Variants in SMS observed in about 807,000 individuals in gnomAD.
The protein encoded by SMS is spermidine aminopropyltransferase.
SMS carries 3 observed loss-of-function variants against 33.0 expected under a neutral mutation model. The observed-to-expected ratio is 0.09, with a 90% CI of 0.04 to 0.23. The LOEUF is 0.23. Ranked by LOEUF, SMS falls within the 10% of genes least tolerant of loss-of-function variation. SMS has a pLI of 1.00. For synonymous variants in SMS, 103 were observed against 112.2 expected, an observed-to-expected ratio of 0.92 and a Z score of 0.52; for missense variants, 117 against 288.6, an observed-to-expected ratio of 0.41 and a Z score of 4.31.
At chrX:21,949,950 GAA>G (rs5901691) in intron 1 of SMS, among the ~76,000 whole-genome samples, 21 of 102,980 alleles carry the variant, frequency 2.0e-4, no homozygotes, top group Admixed American at 1.2e-3. Flanking sequence ...TTCCAAAGTG[GAA>G]AAAAAAAAAA....
intron 1 of SMS, chrX:21,941,305 C>T (rs1921749885): frequency 5.0e-6 from 1 of 200,839 alleles, no homozygotes; most frequent in South Asian, 5.0e-5. Flanking sequence ...CGCGGCGAGC[C>T]CGGGCTGGGG....
chrX:21,950,688 CAT>C (rs1922548882), intron 1 of SMS, among the ~76,000 whole-genome samples: 1 of 109,000 alleles, frequency 9.2e-6, no homozygotes, highest in African/African-American at 3.4e-5. Context: ...TGAGTGAGAA[CAT>C]GTGGTGTTTG....
At chrX:21,984,545 T>C in intron 8 of SMS, 127 bp downstream of exon 8, 1 of 524,019 alleles carries the variant, frequency 1.9e-6, no homozygotes, top group Non-Finnish European at 3.4e-6. Context: ...TTGAGGTCCA[T>C]GGTGGAAAGA....
intron 4 of SMS, among the ~76,000 whole-genome samples, chrX:21,973,972 G>T (rs1223124285): frequency 8.9e-6 from 1 of 112,950 alleles, no homozygotes; most frequent in Non-Finnish European, 1.9e-5. Flanking sequence ...GCATGCAAAT[G>T]CAGGACAATT....
At chrX:21,984,211 C>G (rs1030435947) in intron 7 of SMS, 93 bp from the exon 8 acceptor site, 11 of 620,515 alleles carry the variant, frequency 1.8e-5, no homozygotes, top group Non-Finnish European at 2.8e-5. Context: ...TAAGCCCATA[C>G]TTGGCGCTTT....
intron 1 of SMS, 91 bp downstream of exon 1, chrX:21,940,964 G>C (rs1344283306): frequency 1.6e-5 from 7 of 430,142 alleles, no homozygotes; most frequent in Non-Finnish European, 1.5e-5. Context: ...CGTGCGCCGC[G>C]GGCCGAACAA....
At chrX:21,943,938 T>C (rs1922005378) in intron 1 of SMS, among the ~76,000 whole-genome samples, 1 of 111,859 alleles carries the variant, frequency 8.9e-6, no homozygotes, top group Non-Finnish European at 1.9e-5. Context: ...TGGATGTGAC[T>C]CAAGGGTGAG....
intron 4 of SMS, among the ~76,000 whole-genome samples, chrX:21,976,017 G>A (rs964277809): frequency 2.6e-4 from 29 of 111,089 alleles, no homozygotes; most frequent in African/African-American, 7.5e-4. Flanking sequence ...GTGAGCTCTC[G>A]TTTTCTTTGT....
Position 21,959,837 on chromosome X carries a change from C to T in SMS, c.50-7359C>T, listed in dbSNP as rs1395738945. 3 of 573,498 alleles carry T rather than the reference C, an allele frequency of 5.2e-6. No individual in the cohort carries two copies. In the Admixed American group the frequency reaches 2.7e-4, roughly 51 times the overall value. The allele number at this position is 573,498 out of a possible 1,213,427, so 47.3% of individuals were successfully genotyped here. On this transcript the variant is annotated intron_variant, in intron 1 of 10. Transcript: ENST00000404933. The stretch of plus-strand genomic sequence containing the variant: ...GGAAAGGATGCCTGCGTTTGTGCTT[C>T]CCCTTGCGGGGGAGTTGCAGACTGG...
intron 5 of SMS, 100 bp from the exon 6 acceptor site, chrX:21,977,860 A>C: frequency 1.2e-6 from 1 of 867,651 alleles, no homozygotes; most frequent in Non-Finnish European, 1.7e-6. Flanking sequence ...AAAATGAAAA[A>C]TTTACATTTT....
intron 2 of SMS, among the ~76,000 whole-genome samples, chrX:21,969,018 C>T (rs1369859257): frequency 8.9e-6 from 1 of 111,752 alleles, no homozygotes; most frequent in Non-Finnish European, 1.9e-5. Flanking sequence ...TGGAATTCCA[C>T]GTGGCTTCCT....
intron 1 of SMS, among the ~76,000 whole-genome samples, chrX:21,965,868 A>T (rs1923683926): frequency 8.9e-6 from 1 of 112,055 alleles, no homozygotes; most frequent in Non-Finnish European, 1.9e-5. Context: ...AAGCAAGAGG[A>T]TCACTTAAGC....
chrX:21,973,746 A>G (rs1052108091), intron 4 of SMS, among the ~76,000 whole-genome samples: 6 of 113,404 alleles, frequency 5.3e-5, no homozygotes, highest in African/African-American at 1.9e-4. Context: ...GTTAATTAAA[A>G]TACACAATTC....
At chrX:21,943,344 A>G (rs1194121542) in intron 1 of SMS, among the ~76,000 whole-genome samples, 1 of 111,879 alleles carries the variant, frequency 8.9e-6, no homozygotes, top group Non-Finnish European at 1.9e-5. Flanking sequence ...GAGAATTTTA[A>G]CACTTGGGGC....
chrX:21,946,923 C>G (rs1339206370), intron 1 of SMS, among the ~76,000 whole-genome samples: 4 of 111,311 alleles, frequency 3.6e-5, no homozygotes, highest in Non-Finnish European at 7.5e-5. Context: ...CCCTGTCTTT[C>G]TCTAAGGTTG....
At chrX:21,980,415 C>CAAAAAAAAA (rs1178108858) in intron 7 of SMS, among the ~76,000 whole-genome samples, 1 of 44,574 alleles carries the variant, frequency 2.2e-5, no homozygotes, top group African/African-American at 9.7e-5. Flanking sequence ...AGACTGTCTC[C>CAAAAAAAAA]AAAAAAAAAA....
intron 8 of SMS, among the ~76,000 whole-genome samples, chrX:21,984,764 C>T (rs1925211294): frequency 8.9e-6 from 1 of 112,106 alleles, no homozygotes; most frequent in Admixed American, 9.5e-5. Flanking sequence ...TTTCTCAAAC[C>T]AGATGTTTGT....
chrX:21,991,086 C>T (rs1425656218), intron 9 of SMS, among the ~76,000 whole-genome samples: 1 of 112,493 alleles, frequency 8.9e-6, no homozygotes, highest in Non-Finnish European at 1.9e-5. Context: ...TTTTGAAAGC[C>T]ATTCTCAGGA....
intron 1 of SMS, among the ~76,000 whole-genome samples, chrX:21,957,151 TA>T (rs1923025930): frequency 1.2e-5 from 1 of 81,188 alleles, no homozygotes; most frequent in Admixed American, 1.4e-4. Flanking sequence ...AGAAACCAAC[TA>T]CTTTTTTTTT....
Sources: gnomAD v4.1 joint callset for allele counts (sites outside exome capture counted in the v4.1 genomes callset) on GRCh38, gnomAD v4.1.1 for gene constraint, MANE v1.5 for transcripts, NCBI Gene and HGNC (gene_info 2026-07-23, HGNC 2026-07-21) for gene names.